Variants in NRXN3 observed in about 807,000 individuals in gnomAD.
The protein encoded by NRXN3 is neurexin 3.
In NRXN3, 32 loss-of-function variants were observed where a neutral mutation model predicts 137.6. The observed-to-expected ratio is 0.23, with a 90% CI of 0.18 to 0.31. The LOEUF (loss-of-function observed/expected upper bound fraction) is 0.31, where lower values mean the gene tolerates loss of function less well. NRXN3 is among the 10% of genes least tolerant of loss of function. The probability of loss-of-function intolerance (pLI) is 1.00; values close to 1 mark genes in which losing one functional copy is unlikely to be tolerated. For missense variants in NRXN3, 1,574 were observed against 2,062.5 expected (o/e 0.76, Z 4.59); for synonymous variants, 798 against 784.5 (o/e 1.02, Z -0.29).
chr14:79,800,408 T>C (rs1018676895), intron 19 of NRXN3, among the ~76,000 whole-genome samples: 2 of 152,230 alleles, frequency 1.3e-5, no homozygotes, highest in Admixed American at 6.5e-5. Flanking sequence ...AGCCAGTGTT[T>C]ATTAAGTGGT....
intron 10 of NRXN3, among the ~76,000 whole-genome samples, chr14:78,913,138 A>T (rs1026028149): frequency 9.9e-5 from 15 of 152,126 alleles, no homozygotes; most frequent in Non-Finnish European, 2.2e-4. Context: ...AGACAAGTAC[A>T]GGTCGGAAAG....
At chr14:78,475,455 G>A (rs745363321) in intron 4 of NRXN3, among the ~76,000 whole-genome samples, 1 of 152,068 alleles carries the variant, frequency 6.6e-6, no homozygotes, top group Admixed American at 6.6e-5. Flanking sequence ...TATGACTTTC[G>A]AAGTTGAGTG....
chr14:78,501,474 A>T (rs1450800795), intron 4 of NRXN3, among the ~76,000 whole-genome samples: 1 of 152,178 alleles, frequency 6.6e-6, no homozygotes, highest in East Asian at 1.9e-4. Context: ...TAAACAAGAC[A>T]GAAGCTATAG....
intron 16 of NRXN3, among the ~76,000 whole-genome samples, chr14:79,520,734 G>A (rs1601584736): frequency 6.6e-6 from 1 of 152,292 alleles, no homozygotes; most frequent in South Asian, 2.1e-4. Flanking sequence ...TCTCATGCAA[G>A]TTAGAATGAC....
intron 16 of NRXN3, among the ~76,000 whole-genome samples, chr14:79,493,004 C>A (rs912423045): frequency 6.6e-5 from 10 of 152,186 alleles, no homozygotes; most frequent in Admixed American, 4.6e-4. Flanking sequence ...TATTTACCTT[C>A]ATGTGTAAAA....
Position 78,911,637 on chromosome 14 carries a change from A to G in NRXN3, c.2276-45605A>G, listed in dbSNP as rs186578113. ...ATTTTCAGCAGAAATATGTTTTACCAAACCTATTTTGCTGTCATTTGAAAG... is the reference window on the plus strand; with the variant it reads ...ATTTTCAGCAGAAATATGTTTTACCGAACCTATTTTGCTGTCATTTGAAAG... On this transcript the variant is annotated intron_variant, in intron 10 of 20. Transcript: ENST00000335750. Among the ~76,000 whole-genome samples the G allele has an allele frequency of 2.2e-3, 337 of 152,322 alleles. 1 individual carries two copies. Among genetic ancestry groups the G allele is most frequent in the African/African-American group, 7.8e-3 (326 of 41,584 alleles).
intron 20 of NRXN3, among the ~76,000 whole-genome samples, chr14:79,851,117 G>A (rs2293839): frequency 0.43 from 64,901 of 151,910 alleles, 14,475 homozygotes; most frequent in East Asian, 0.56. Context: ...TATCTTTTTC[G>A]AAATGCCTCT....
At chr14:79,475,638 A>C (rs2096552983) in intron 16 of NRXN3, among the ~76,000 whole-genome samples, 1 of 152,118 alleles carries the variant, frequency 6.6e-6, no homozygotes, top group African/African-American at 2.4e-5. Context: ...CAACTCTTGC[A>C]CAACTCCTGG....
chr14:78,201,328 A>G (rs946101499), intron 1 of NRXN3, among the ~76,000 whole-genome samples: 3 of 152,168 alleles, frequency 2.0e-5, no homozygotes, highest in African/African-American at 7.2e-5. Context: ...TCTGTGGTCA[A>G]TCTCTACAAA....
chr14:79,637,681 G>C (rs1261030848), intron 16 of NRXN3, among the ~76,000 whole-genome samples: 4 of 145,976 alleles, frequency 2.7e-5, no homozygotes, highest in Non-Finnish European at 4.5e-5. Flanking sequence ...AGGTTATTTT[G>C]TTGTAATTTT....
At chr14:78,679,996 T>G (rs10147949) in intron 6 of NRXN3, among the ~76,000 whole-genome samples, 6,596 of 152,174 alleles carry the variant, frequency 0.043, 247 homozygotes, top group East Asian at 0.14. Context: ...GTAACACTAA[T>G]AATGACTAAT....
chr14:78,919,289 G>A (rs1055115188), intron 10 of NRXN3, among the ~76,000 whole-genome samples: 27 of 152,078 alleles, frequency 1.8e-4, no homozygotes, highest in African/African-American at 6.0e-4. Context: ...ATTTATAACA[G>A]TTTAGACCTT....
At chr14:78,742,847 C>T (rs1193700255) in intron 8 of NRXN3, among the ~76,000 whole-genome samples, 1 of 152,168 alleles carries the variant, frequency 6.6e-6, no homozygotes, top group Non-Finnish European at 1.5e-5. Flanking sequence ...TAAGAATGTT[C>T]TTCTTTTAGC....
rs376514756 is a variant in NRXN3 at position 78,456,799 on chromosome 14, C to T, written c.757+158939C>T. Among the ~76,000 whole-genome samples, 6 of 97,690 alleles carry T rather than the reference C, an allele frequency of 6.1e-5. 1 individual carries two copies. The highest frequency in any genetic ancestry group is 0.01 in the Middle Eastern group (2 of 194). The allele number at this position is 97,690 out of a possible 152,430, so 64.1% of individuals were successfully genotyped here. On this transcript the variant is annotated intron_variant, in intron 4 of 20. Transcript: ENST00000335750. ...TCTTTCCCTTTCTCTCTCTCTTTCT[C>T]TCTTTCTTTCTTTCTTTCTTTCTTT...
intron 4 of NRXN3, among the ~76,000 whole-genome samples, chr14:78,618,195 A>C (rs1044432793): frequency 3.9e-5 from 6 of 152,032 alleles, no homozygotes; most frequent in East Asian, 1.9e-4. Flanking sequence ...AAAAAACTTC[A>C]AGCCTAACAC....
chr14:78,866,934 A>T (rs946655892), intron 10 of NRXN3, among the ~76,000 whole-genome samples: 1 of 151,324 alleles, frequency 6.6e-6, no homozygotes, highest in Non-Finnish European at 1.5e-5. Context: ...AGCAGCTGAG[A>T]CTACAGGCAC....
chr14:78,809,568 A>C (rs1404817284), intron 9 of NRXN3, among the ~76,000 whole-genome samples: 1 of 152,058 alleles, frequency 6.6e-6, no homozygotes, highest in Non-Finnish European at 1.5e-5. Context: ...ACCTCTCTAA[A>C]ATCTGGGATG....
chr14:79,210,631 C>T (rs1381499717), intron 15 of NRXN3, among the ~76,000 whole-genome samples: 1 of 152,128 alleles, frequency 6.6e-6, no homozygotes, highest in African/African-American at 2.4e-5. Flanking sequence ...TTAGGAAGCT[C>T]ATGTCTTCAG....
chr14:78,708,024 T>C (rs12434689), intron 6 of NRXN3, among the ~76,000 whole-genome samples: 26,672 of 152,212 alleles, frequency 0.18, 3,358 homozygotes, highest in African/African-American at 0.36. Context: ...TGTGCAAGTA[T>C]CTTTTTCTTA....
Sources: allele counts gnomAD v4.1 joint callset (sites outside exome capture counted in the v4.1 genomes callset), GRCh38; gene constraint gnomAD v4.1.1; transcripts MANE v1.5; gene names NCBI Gene and HGNC (gene_info 2026-07-23, HGNC 2026-07-21).